RIMS1: variants seen among roughly 807,000 people sequenced by gnomAD.
RIMS1 encodes the protein regulating synaptic membrane exocytosis 1, also known as regulating synaptic membrane exocytosis protein 1.
Under a neutral mutation model 214.1 loss-of-function variants are expected in RIMS1, and 83 were observed. The observed-to-expected ratio is 0.39, with a 90% CI of 0.32 to 0.47. RIMS1 has a LOEUF of 0.47. Among genes scored for constraint, RIMS1 ranks in the 20% least tolerant of loss-of-function variants. The probability of loss-of-function intolerance (pLI) is 0.99; values close to 1 mark genes in which losing one functional copy is unlikely to be tolerated. For synonymous variants in RIMS1, 793 were observed against 786.8 expected (o/e 1.01, Z -0.13); for missense variants, 2,050 against 2,161.8 (o/e 0.95, Z 1.03).
At chr6:71,960,900 A>T (rs562917109) in intron 1 of RIMS1, among the ~76,000 whole-genome samples, 2 of 152,050 alleles carry the variant, frequency 1.3e-5, no homozygotes, top group South Asian at 4.1e-4. Flanking sequence ...AGTGAAAAAA[A>T]AATTTTTTTT....
chr6:72,143,454 T>C (rs1466156201), intron 4 of RIMS1, among the ~76,000 whole-genome samples: 1 of 152,156 alleles, frequency 6.6e-6, no homozygotes, highest in Non-Finnish European at 1.5e-5. Context: ...TCTCAACCTA[T>C]GGCCTTGGTA....
intron 24 of RIMS1, among the ~76,000 whole-genome samples, chr6:72,290,246 C>A (rs1012834919): frequency 1.3e-5 from 2 of 152,124 alleles, no homozygotes; most frequent in Non-Finnish European, 2.9e-5. Context: ...TACAGTATTT[C>A]TTCTTGAAGG....
intron 1 of RIMS1, among the ~76,000 whole-genome samples, chr6:71,897,005 A>G (rs1221008679): frequency 6.6e-6 from 1 of 152,108 alleles, no homozygotes; most frequent in African/African-American, 2.4e-5. Context: ...TCTCTACCTG[A>G]GTGTCCTATA....
intron 4 of RIMS1, among the ~76,000 whole-genome samples, chr6:72,136,650 A>C (rs530173252): frequency 1.2e-4 from 19 of 152,252 alleles, no homozygotes; most frequent in Non-Finnish European, 2.8e-4. Context: ...TAATCACTCC[A>C]AAATTTAGTG....
In RIMS1 at chr6:71,886,887, C is replaced by A. The variant is rs1421557093; in HGVS notation, c.-137C>A. 2.4e-5 allele frequency: 21 copies of A among 881,668 alleles called. No homozygotes were observed. Among genetic ancestry groups the A allele is most frequent in the Non-Finnish European group, 3.5e-5 (20 of 575,258 alleles). 54.6% of individuals were successfully genotyped at this position (881,668 alleles called of 1,614,324 possible). On this transcript the variant is annotated 5_prime_UTR_variant, in exon 1 of 34. Coordinates refer to ENST00000521978, the MANE Select transcript of RIMS1 (RefSeq NM_014989.7). ...CCGGCTCTGCTGCTGCTGCTGCTGC[C>A]GCCGCCGCCGCTGCTCCTCCTCCTG... is the stretch of plus-strand genomic sequence containing the variant.
At chr6:72,155,150 G>A (rs575179506) in intron 4 of RIMS1, among the ~76,000 whole-genome samples, 4 of 140,972 alleles carry the variant, frequency 2.8e-5, no homozygotes, top group African/African-American at 9.8e-5. Flanking sequence ...CTCCAGGCCT[G>A]TGATGAGAGG....
chr6:72,138,681 AG>A (rs2041695959), intron 4 of RIMS1, among the ~76,000 whole-genome samples: 1 of 152,188 alleles, frequency 6.6e-6, no homozygotes, highest in Admixed American at 6.5e-5. Flanking sequence ...AAATATAAAA[AG>A]TAAATTTGCA....
At chr6:72,334,386 A>T (rs2096771574) in intron 29 of RIMS1, among the ~76,000 whole-genome samples, 1 of 151,900 alleles carries the variant, frequency 6.6e-6, no homozygotes, top group Admixed American at 6.6e-5. Flanking sequence ...ATGTTTTAAT[A>T]CAAATATGTG....
chr6:72,083,552 C>G (rs1833933996), intron 2 of RIMS1, among the ~76,000 whole-genome samples: 1 of 152,122 alleles, frequency 6.6e-6, no homozygotes, highest in Non-Finnish European at 1.5e-5. Flanking sequence ...TCATACTGAT[C>G]CCCATCTGCC....
chr6:72,345,953 C>A (rs995274300), intron 29 of RIMS1, among the ~76,000 whole-genome samples: 1 of 151,644 alleles, frequency 6.6e-6, no homozygotes, highest in African/African-American at 2.4e-5. Context: ...TGAGGATCAA[C>A]AACATAGAAC....
intron 29 of RIMS1, among the ~76,000 whole-genome samples, chr6:72,367,603 A>G (rs2098079371): frequency 6.6e-6 from 1 of 152,148 alleles, no homozygotes; most frequent in East Asian, 1.9e-4. Flanking sequence ...TTTCTTATTC[A>G]CTGATACTCT....
intron 2 of RIMS1, among the ~76,000 whole-genome samples, chr6:72,087,371 GT>G (rs1379289854): frequency 6.6e-6 from 1 of 152,206 alleles, no homozygotes; most frequent in African/African-American, 2.4e-5. Flanking sequence ...ACAAAAGGAA[GT>G]TAGAAGAATT....
chr6:71,955,041 T>C (rs1032264723), intron 1 of RIMS1, among the ~76,000 whole-genome samples: 4 of 152,206 alleles, frequency 2.6e-5, no homozygotes, highest in Admixed American at 2.6e-4. Context: ...TATCATTGCA[T>C]GTGTTAAAAA....
chr6:71,972,563 A>G (rs905159552), intron 2 of RIMS1, among the ~76,000 whole-genome samples: 1 of 152,150 alleles, frequency 6.6e-6, no homozygotes, highest in Admixed American at 6.5e-5. Flanking sequence ...TGTTCCTTTT[A>G]AGTTATTGTT....
At chr6:72,187,513 C>G (rs1395900146) in intron 6 of RIMS1, among the ~76,000 whole-genome samples, 1 of 120,542 alleles carries the variant, frequency 8.3e-6, no homozygotes, top group African/African-American at 3.4e-5. Context: ...GAGTCTCGGT[C>G]TGTCACCAGG....
chr6:71,974,585 AG>A (rs1014241865), intron 2 of RIMS1, among the ~76,000 whole-genome samples: 2 of 152,134 alleles, frequency 1.3e-5, no homozygotes, highest in African/African-American at 4.8e-5. Context: ...GAGAGGCAGG[AG>A]GTAGAGAAGA....
chr6:71,999,695 C>T (rs1373430025), intron 2 of RIMS1, among the ~76,000 whole-genome samples: 1 of 152,092 alleles, frequency 6.6e-6, no homozygotes, highest in South Asian at 2.1e-4. Context: ...ATGCACACCT[C>T]TTTTAAATTA....
intron 4 of RIMS1, among the ~76,000 whole-genome samples, chr6:72,105,089 T>A (rs1189301903): frequency 1.3e-5 from 2 of 151,732 alleles, no homozygotes; most frequent in Admixed American, 1.3e-4. Context: ...TCTGGCTAAT[T>A]AAAAAAAATT....
At chr6:72,185,964 A>G (rs1262589107) in intron 6 of RIMS1, among the ~76,000 whole-genome samples, 1 of 152,224 alleles carries the variant, frequency 6.6e-6, no homozygotes. Context: ...AATGACTAGT[A>G]AATATATGTT....
Sources: allele counts gnomAD v4.1 joint callset (sites outside exome capture counted in the v4.1 genomes callset), GRCh38; gene constraint gnomAD v4.1.1; transcripts MANE v1.5; gene names NCBI Gene and HGNC (gene_info 2026-07-23, HGNC 2026-07-21).